CREB5: variants seen among roughly 807,000 people sequenced by gnomAD.
CREB5 encodes the protein cyclic AMP-responsive element-binding protein 5.
Under a neutral mutation model 57.1 loss-of-function variants are expected in CREB5, and 19 were observed. That is an observed-to-expected ratio of 0.33 (90% CI 0.23 to 0.49). CREB5 has a LOEUF of 0.49. CREB5 is among the 20% of genes least tolerant of loss of function. CREB5 has a pLI of 0.99. For synonymous variants in CREB5, 238 were observed against 238.3 expected (o/e 1.00, Z 0.01); for missense variants, 579 against 671.6 (o/e 0.86, Z 1.52).
chr7:28,751,540 C>A lies in CREB5; in HGVS notation c.702+27208C>A, dbSNP rs146047149. On this transcript the variant is annotated intron_variant, in intron 7 of 10. Coordinates refer to ENST00000357727, the MANE Select transcript of CREB5 (RefSeq NM_182898.4). ...AGTGCCTTCCAGAGAGGGCTTGCCT[C>A]CCTAGTTATGTGGAATAGACACATG... 4.2e-3 allele frequency among the ~76,000 whole-genome samples: 635 copies of A among 152,248 alleles called. 5 individuals are homozygous for A. The highest frequency in any genetic ancestry group is 0.015 in the African/African-American group (606 of 41,550).
intron 7 of CREB5, among the ~76,000 whole-genome samples, chr7:28,768,854 A>G (rs1806151376): frequency 6.6e-6 from 1 of 152,192 alleles, no homozygotes; most frequent in Admixed American, 6.5e-5. Flanking sequence ...AGTTTCATCT[A>G]GTTGATTAGA....
intron 6 of CREB5, among the ~76,000 whole-genome samples, chr7:28,721,390 C>T (rs745820680): frequency 1.3e-5 from 2 of 152,160 alleles, no homozygotes; most frequent in South Asian, 2.1e-4. Flanking sequence ...AAAAGCATAT[C>T]GTAAGAGTTC....
intron 1 of CREB5, among the ~76,000 whole-genome samples, chr7:28,303,699 A>G (rs2127979286): frequency 6.6e-6 from 1 of 152,322 alleles, no homozygotes; most frequent in Non-Finnish European, 1.5e-5. Flanking sequence ...CCCTGTGGCC[A>G]ATTTCTTACT....
intron 5 of CREB5, chr7:28,686,046 C>A: frequency 7.5e-7 from 1 of 1,331,226 alleles, no homozygotes; most frequent in South Asian, 1.2e-5. Context: ...GAAGGGCCAG[C>A]ACATTACATC....
intron 7 of CREB5, among the ~76,000 whole-genome samples, chr7:28,790,587 G>C (rs777727648): frequency 5.9e-5 from 9 of 152,234 alleles, no homozygotes; most frequent in Non-Finnish European, 1.3e-4. Context: ...CTTTGAAAAA[G>C]ATTCACATTC....
Position 28,520,108 on chromosome 7 carries a change from C to T in CREB5, c.291+12371C>T, listed in dbSNP as rs573253195. On this transcript the variant is annotated intron_variant, in intron 4 of 10. Coordinates refer to ENST00000357727, the MANE Select transcript of CREB5 (RefSeq NM_182898.4). ...ACTAAAATACTTTGTTTAGTTGCAT[C>T]GTGGTATGGGTTCAGCTCATCCGCC... Among the ~76,000 whole-genome samples, 13 of 152,272 alleles carry T rather than the reference C, an allele frequency of 8.5e-5. 1 individual carries two copies. The highest frequency in any genetic ancestry group is 2.2e-4 in the African/African-American group (9 of 41,548).
chr7:28,394,070 C>CAAAA lies in CREB5; in HGVS notation c.-25+94662_-25+94665dup, dbSNP rs56166148. On this transcript the variant is annotated intron_variant, in intron 1 of 9. Coordinates refer to the CREB5 transcript ENST00000396299. ...TGGGGGATGGAGCAAGACTCTGTCTCAAAAAAAAAAAAAAAAAAAAAAAAA... is the reference window on the plus strand; with the variant it reads ...TGGGGGATGGAGCAAGACTCTGTCTCAAAAAAAAAAAAAAAAAAAAAAAAAAAAA... Among the ~76,000 whole-genome samples, 193 of 52,994 alleles carry CAAAA rather than the reference C, an allele frequency of 3.6e-3. 52 individuals carry two copies. Among genetic ancestry groups the CAAAA allele is most frequent in the African/African-American group, 0.015 (140 of 9,320 alleles). The allele number at this position is 52,994 out of a possible 152,430, so 34.8% of individuals were successfully genotyped here.
intron 5 of CREB5, among the ~76,000 whole-genome samples, chr7:28,594,147 A>C (rs1796619336): frequency 6.6e-6 from 1 of 152,230 alleles, no homozygotes; most frequent in Non-Finnish European, 1.5e-5. Flanking sequence ...CTTACAAATG[A>C]AAACTGGTGT....
At chr7:28,626,255 T>C (rs1346629599) in intron 5 of CREB5, among the ~76,000 whole-genome samples, 1 of 152,176 alleles carries the variant, frequency 6.6e-6, no homozygotes, top group Admixed American at 6.5e-5. Flanking sequence ...AGTTGTATGA[T>C]TGTTAATATA....
At chr7:28,375,899 C>A (rs1010589799) in intron 1 of CREB5, among the ~76,000 whole-genome samples, 1 of 152,214 alleles carries the variant, frequency 6.6e-6, no homozygotes, top group Non-Finnish European at 1.5e-5. Flanking sequence ...ACTATCATTA[C>A]TCCCATTTTA....
chr7:28,560,961 CGT>C (rs1255407006), intron 4 of CREB5, among the ~76,000 whole-genome samples: 819 of 23,756 alleles, frequency 0.034, 44 homozygotes, highest in African/African-American at 0.092. Flanking sequence ...CGTGTGTGTG[CGT>C]GTGTGTGTGC....
At chr7:28,547,924 G>A (rs1013330049) in intron 4 of CREB5, among the ~76,000 whole-genome samples, 3 of 152,158 alleles carry the variant, frequency 2.0e-5, no homozygotes, top group Non-Finnish European at 4.4e-5. Flanking sequence ...GTCCACAAAT[G>A]AATGCACAGG....
At chr7:28,643,144 A>T (rs1473976328) in intron 5 of CREB5, among the ~76,000 whole-genome samples, 2 of 152,078 alleles carry the variant, frequency 1.3e-5, no homozygotes, top group African/African-American at 4.8e-5. Context: ...CCTGCATTGA[A>T]CTTGTAGGTG....
At chr7:28,712,117 T>C (rs1326301124) in intron 5 of CREB5, among the ~76,000 whole-genome samples, 2 of 152,178 alleles carry the variant, frequency 1.3e-5, no homozygotes. Flanking sequence ...GTCTGGCCCA[T>C]GTCCTTCACT....
chr7:28,770,676 G>A (rs1322491295), intron 7 of CREB5, among the ~76,000 whole-genome samples: 2 of 152,132 alleles, frequency 1.3e-5, no homozygotes, highest in Non-Finnish European at 2.9e-5. Flanking sequence ...TGAAGTGGGT[G>A]GTCCTTAAAT....
At chr7:28,696,481 C>G (rs192094422) in intron 5 of CREB5, among the ~76,000 whole-genome samples, 1 of 152,146 alleles carries the variant, frequency 6.6e-6, no homozygotes, top group African/African-American at 2.4e-5. Context: ...TGTTTTGTAC[C>G]ATTTCTTCTA....
At chr7:28,369,274 T>C (rs1468561036) in intron 1 of CREB5, among the ~76,000 whole-genome samples, 1 of 152,194 alleles carries the variant, frequency 6.6e-6, no homozygotes, top group Non-Finnish European at 1.5e-5. Context: ...GCATGGCCAG[T>C]GGTATTTCCA....
intron 5 of CREB5, among the ~76,000 whole-genome samples, chr7:28,670,111 C>A (rs1168813867): frequency 6.6e-6 from 1 of 152,132 alleles, no homozygotes; most frequent in Non-Finnish European, 1.5e-5. Context: ...TTCAAGACCC[C>A]CAGTGGATGC....
At chr7:28,325,409 C>A (rs1277003367) in intron 1 of CREB5, among the ~76,000 whole-genome samples, 2 of 151,078 alleles carry the variant, frequency 1.3e-5, no homozygotes, top group Non-Finnish European at 2.9e-5. Flanking sequence ...GAGCCAAGAT[C>A]GTGCCACTGC....
Sources: allele counts gnomAD v4.1 joint callset (sites outside exome capture counted in the v4.1 genomes callset), GRCh38; gene constraint gnomAD v4.1.1; transcripts MANE v1.5; gene names NCBI Gene and HGNC (gene_info 2026-07-23, HGNC 2026-07-21).